ANO5: variants seen among roughly 807,000 people sequenced by gnomAD.
The protein encoded by ANO5 is anoctamin-5.
ANO5 carries 109 observed loss-of-function variants against 121.0 expected under a neutral mutation model. That is an observed-to-expected ratio of 0.90 (90% CI 0.77 to 1.06). ANO5 has a LOEUF of 1.06. Among genes scored for constraint, ANO5 ranks in the 50% least tolerant of loss-of-function variants. The probability of loss-of-function intolerance (pLI) is 0.00; values close to 1 mark genes in which losing one functional copy is unlikely to be tolerated. For missense variants in ANO5, 1,064 were observed against 1,078.5 expected (o/e 0.99, Z 0.19); for synonymous variants, 406 against 359.9 (o/e 1.13, Z -1.45).
chr11:22,262,721 A>T (rs535772044), intron 16 of ANO5, among the ~76,000 whole-genome samples: 7 of 152,202 alleles, frequency 4.6e-5, no homozygotes, highest in Non-Finnish European at 7.3e-5. Context: ...TCTAAGAATG[A>T]GACCCAGAAA....
intron 12 of ANO5, among the ~76,000 whole-genome samples, chr11:22,254,912 T>C (rs1264450089): frequency 6.6e-6 from 1 of 152,008 alleles, no homozygotes; most frequent in Middle Eastern, 3.2e-3. Context: ...ATATAGTATA[T>C]GTAGTTTAAA....
At chr11:22,208,503 T>A (rs921115436) in intron 2 of ANO5, among the ~76,000 whole-genome samples, 2 of 152,112 alleles carry the variant, frequency 1.3e-5, no homozygotes, top group East Asian at 3.9e-4. Context: ...AATTAGTGAT[T>A]TCTAAGGGAC....
chr11:22,223,394 C>T (rs1383132302), intron 5 of ANO5, among the ~76,000 whole-genome samples: 3 of 152,000 alleles, frequency 2.0e-5, no homozygotes, highest in Non-Finnish European at 4.4e-5. Flanking sequence ...TATGAAAACA[C>T]ATGTGAAATA....
intron 10 of ANO5, 78 bp from the exon 11 acceptor site, chr11:22,250,663 A>G: frequency 7.3e-7 from 1 of 1,361,252 alleles, no homozygotes; most frequent in South Asian, 1.2e-5. Context: ...TTATATAAGT[A>G]GTTGTTCTAA....
intron 17 of ANO5, among the ~76,000 whole-genome samples, chr11:22,264,495 T>A (rs1184974623): frequency 9.3e-5 from 14 of 150,330 alleles, no homozygotes; most frequent in Middle Eastern, 3.4e-3. Flanking sequence ...ACAAGCAAAT[T>A]AACAACAACA....
chr11:22,252,121 G>A (rs952810377), intron 12 of ANO5, among the ~76,000 whole-genome samples: 3 of 150,296 alleles, frequency 2.0e-5, no homozygotes, highest in Non-Finnish European at 2.9e-5. Context: ...TTTGCAAAGC[G>A]GAGGGATTTA....
intron 12 of ANO5, among the ~76,000 whole-genome samples, chr11:22,252,029 C>CAAAAAAAAAAAAAA (rs10525160): frequency 4.4e-5 from 2 of 45,820 alleles, no homozygotes; most frequent in African/African-American, 1.3e-4. Context: ...GACGCCGTCT[C>CAAAAAAAAAAAAAA]AAAAAAAAAA....
At chr11:22,215,032 G>A (rs1852395432) in intron 3 of ANO5, among the ~76,000 whole-genome samples, 1 of 151,964 alleles carries the variant, frequency 6.6e-6, no homozygotes, top group Non-Finnish European at 1.5e-5. Flanking sequence ...AATACAGAAA[G>A]ATGGAAACTA....
At chr11:22,267,454 C>A (rs1259675582) in intron 17 of ANO5, among the ~76,000 whole-genome samples, 1 of 150,142 alleles carries the variant, frequency 6.7e-6, no homozygotes, top group Non-Finnish European at 1.5e-5. Flanking sequence ...ATATTATCTA[C>A]AATACTTTTT....
chr11:22,224,248 T>C (rs1297160608), intron 5 of ANO5, among the ~76,000 whole-genome samples: 2 of 152,032 alleles, frequency 1.3e-5, no homozygotes, highest in African/African-American at 4.8e-5. Flanking sequence ...ATATATTTTA[T>C]GATTTTATAT....
At chr11:22,223,521 G>A (rs1232535798) in intron 5 of ANO5, among the ~76,000 whole-genome samples, 1 of 151,956 alleles carries the variant, frequency 6.6e-6, no homozygotes, top group East Asian at 1.9e-4. Flanking sequence ...CAGATATTCA[G>A]CATAAATAAC....
At chr11:22,253,899 G>T (rs943402731) in intron 12 of ANO5, among the ~76,000 whole-genome samples, 1 of 152,120 alleles carries the variant, frequency 6.6e-6, no homozygotes, top group Non-Finnish European at 1.5e-5. Context: ...AGGGCTGGAC[G>T]ATTAGGAAAT....
chr11:22,213,753 C>T (rs147572521), intron 3 of ANO5, among the ~76,000 whole-genome samples: 12 of 151,726 alleles, frequency 7.9e-5, no homozygotes, highest in African/African-American at 1.4e-4. Context: ...TTTTGTGTGT[C>T]GGGGAGATCT....
chr11:22,242,076 T>C (rs1853451058), intron 9 of ANO5, among the ~76,000 whole-genome samples: 1 of 152,072 alleles, frequency 6.6e-6, no homozygotes, highest in Non-Finnish European at 1.5e-5. Flanking sequence ...TGGTGAAAGA[T>C]AAGGGTCCAA....
At chr11:22,275,929 G>A (rs796686599) in intron 20 of ANO5, among the ~76,000 whole-genome samples, 165 bp from the exon 21 acceptor site, 7 of 151,888 alleles carry the variant, frequency 4.6e-5, no homozygotes, top group African/African-American at 1.7e-4. Flanking sequence ...CTGACTTTAT[G>A]TGAACAAGAA....
At chr11:22,265,064 A>G (rs930276533) in intron 17 of ANO5, among the ~76,000 whole-genome samples, 2 of 152,160 alleles carry the variant, frequency 1.3e-5, no homozygotes, top group East Asian at 3.8e-4. Context: ...TAATTGCTGA[A>G]CATTTTTCAA....
chr11:22,240,401 A>C (rs78676962), intron 9 of ANO5, among the ~76,000 whole-genome samples: 2,858 of 152,098 alleles, frequency 0.019, 85 homozygotes, highest in African/African-American at 0.065. Context: ...TTGATGATTT[A>C]TACTTGCATT....
rs1000157798 is a variant in ANO5 at position 22,276,283 on chromosome 11, T to C, written c.2520+84T>C. ...TAAAGGTAACCTCTCATCAGAAAGT[T>C]AGCAATATCTCAGTAAACTGTCTTG... On this transcript the variant is annotated intron_variant, in intron 21 of 21. Transcript: ENST00000324559. 8.3e-6 allele frequency: 9 copies of C among 1,089,032 alleles called. No individual in the cohort carries two copies. In the African/African-American group the frequency reaches 1.1e-4, roughly 13 times the overall value. 67.5% of individuals were successfully genotyped at this position (1,089,032 alleles called of 1,614,324 possible). A position where few individuals can be genotyped will look rare whatever the true frequency, so the allele number is the denominator to read the frequency against.
At chr11:22,244,686 G>A (rs940963637) in intron 9 of ANO5, among the ~76,000 whole-genome samples, 1 of 150,712 alleles carries the variant, frequency 6.6e-6, no homozygotes, top group African/African-American at 2.4e-5. Flanking sequence ...AATGCTTCCT[G>A]TTGTATTATA....
Sources: allele counts gnomAD v4.1 joint callset (sites outside exome capture counted in the v4.1 genomes callset), GRCh38; gene constraint gnomAD v4.1.1; transcripts MANE v1.5; gene names NCBI Gene and HGNC (gene_info 2026-07-23, HGNC 2026-07-21).